Variants in DLGAP2 observed in about 807,000 individuals in gnomAD.
DLGAP2 encodes the protein disks large-associated protein 2.
In DLGAP2, 26 loss-of-function variants were observed where a neutral mutation model predicts 100.3. That is an observed-to-expected ratio of 0.26 (90% CI 0.19 to 0.36). DLGAP2 has a LOEUF of 0.36. Among genes scored for constraint, DLGAP2 ranks in the 10% least tolerant of loss-of-function variants. The probability of loss-of-function intolerance (pLI) is 1.00; values close to 1 mark genes in which losing one functional copy is unlikely to be tolerated. For missense variants in DLGAP2, 1,858 were observed against 1,453.2 expected, an observed-to-expected ratio of 1.28 and a Z score of -4.53; for synonymous variants, 886 against 630.1, an observed-to-expected ratio of 1.41 and a Z score of -6.08.
intron 4 of DLGAP2, among the ~76,000 whole-genome samples, chr8:1,519,098 A>G (rs1028006066): frequency 6.6e-6 from 1 of 152,198 alleles, no homozygotes; most frequent in African/African-American, 2.4e-5. Flanking sequence ...AGGAAGGGAT[A>G]CGAAGGCTTG....
At chr8:1,425,375 C>T (rs1469264144) in intron 3 of DLGAP2, among the ~76,000 whole-genome samples, 1 of 152,174 alleles carries the variant, frequency 6.6e-6, no homozygotes, top group Non-Finnish European at 1.5e-5. Flanking sequence ...CCCGGGAGGC[C>T]AGCCAGGTAC....
At chr8:1,299,587 G>C (rs1800281613) in intron 3 of DLGAP2, among the ~76,000 whole-genome samples, 3 of 152,346 alleles carry the variant, frequency 2.0e-5, no homozygotes, top group African/African-American at 7.2e-5. Flanking sequence ...GTAACTAGCA[G>C]ATTCGTTCCT....
At chr8:802,706 G>C (rs562482431) in intron 1 of DLGAP2, among the ~76,000 whole-genome samples, 1 of 152,232 alleles carries the variant, frequency 6.6e-6, no homozygotes, top group East Asian at 1.9e-4. Context: ...TTTACTAGCA[G>C]AGACAGGTTG....
Position 967,834 on chromosome 8 carries a change from A to T in DLGAP2, c.73+59868A>T, listed in dbSNP as rs1236244838. 3.7e-3 allele frequency among the ~76,000 whole-genome samples: 78 copies of T among 20,996 alleles called. 2 individuals are homozygous for T. Among genetic ancestry groups the T allele is most frequent in the Non-Finnish European group, 5.8e-3 (59 of 10,088 alleles). The allele number at this position is 20,996 out of a possible 152,430, so 13.8% of individuals were successfully genotyped here. On this transcript the variant is annotated intron_variant, in intron 2 of 14. Coordinates refer to ENST00000637795, the MANE Select transcript of DLGAP2 (RefSeq NM_001346810.2). Reference sequence around the variant, plus strand: ...AACACCACTATATATATATATATATATATATATATATATATATATATATAT... The same window carrying T: ...AACACCACTATATATATATATATATTTATATATATATATATATATATATAT...
chr8:835,416 G>C (rs978074557), intron 1 of DLGAP2, among the ~76,000 whole-genome samples: 1 of 151,824 alleles, frequency 6.6e-6, no homozygotes, highest in African/African-American at 2.4e-5. Flanking sequence ...TCGCTCCCAG[G>C]CCAGGCCCTG....
intron 2 of DLGAP2, among the ~76,000 whole-genome samples, chr8:1,163,841 GAGCTCTGCTCAGC>G (rs1038583118): frequency 6.6e-6 from 1 of 152,190 alleles, no homozygotes; most frequent in Non-Finnish European, 1.5e-5. Flanking sequence ...GGAGGCTCAG[GAGCTCTGCTCAGC>G]ACTGCGGCTG....
chr8:1,309,150 A>C (rs1225694649), intron 3 of DLGAP2, among the ~76,000 whole-genome samples: 1 of 152,186 alleles, frequency 6.6e-6, no homozygotes, highest in African/African-American at 2.4e-5. Context: ...AGAGTCTCCG[A>C]AAAGGGAAAA....
At chr8:1,127,479 C>T (rs1257297754) in intron 2 of DLGAP2, among the ~76,000 whole-genome samples, 1 of 152,130 alleles carries the variant, frequency 6.6e-6, no homozygotes, top group Non-Finnish European at 1.5e-5. Flanking sequence ...CCTCGCGTTG[C>T]TTTTCCCCGG....
At chr8:875,100 T>C in intron 1 of DLGAP2, among the ~76,000 whole-genome samples, 1 of 152,230 alleles carries the variant, frequency 6.6e-6, no homozygotes, top group East Asian at 1.9e-4. Flanking sequence ...ATAATATATT[T>C]TTCTATCCTT....
chr8:1,443,469 C>T (rs1004276953), intron 3 of DLGAP2, among the ~76,000 whole-genome samples: 6 of 152,214 alleles, frequency 3.9e-5, no homozygotes, highest in Non-Finnish European at 8.8e-5. Context: ...ATTCTCACAT[C>T]CCTCAGTCTT....
intron 1 of DLGAP2, among the ~76,000 whole-genome samples, chr8:846,674 G>A (rs958688291): frequency 6.6e-6 from 1 of 152,158 alleles, no homozygotes. Flanking sequence ...TGGATCATAT[G>A]GTAGTTGTAT....
chr8:1,245,438 G>A (rs1383092333), intron 2 of DLGAP2, among the ~76,000 whole-genome samples: 1 of 152,222 alleles, frequency 6.6e-6, no homozygotes, highest in Non-Finnish European at 1.5e-5. Flanking sequence ...ACCGATGCAT[G>A]CTGTGACACA....
chr8:1,083,869 A>T (rs531192261), intron 2 of DLGAP2, among the ~76,000 whole-genome samples: 5 of 152,208 alleles, frequency 3.3e-5, no homozygotes, highest in African/African-American at 1.2e-4. Context: ...AAAGTGACTC[A>T]TGTGTCTAAG....
intron 1 of DLGAP2, among the ~76,000 whole-genome samples, chr8:848,415 C>G (rs10088577): frequency 0.3 from 10,343 of 34,334 alleles, 1,545 homozygotes; most frequent in Non-Finnish European, 0.35. Flanking sequence ...CGTGCGGTGC[C>G]TGTTCCAGTG....
chr8:1,449,075 C>A (rs1267250385), intron 3 of DLGAP2, among the ~76,000 whole-genome samples: 2 of 152,176 alleles, frequency 1.3e-5, no homozygotes, highest in African/African-American at 4.8e-5. Context: ...CAGAGCAGCT[C>A]TGGGAATGCC....
chr8:845,875 T>A (rs1293917651), intron 1 of DLGAP2, among the ~76,000 whole-genome samples: 1 of 152,260 alleles, frequency 6.6e-6, no homozygotes, highest in Non-Finnish European at 1.5e-5. Context: ...TCTTTGGCAT[T>A]TGGCTGTCCA....
intron 2 of DLGAP2, among the ~76,000 whole-genome samples, chr8:1,039,765 T>G (rs1802261648): frequency 7.0e-6 from 1 of 142,040 alleles, no homozygotes; most frequent in Non-Finnish European, 1.5e-5. Context: ...GTCGGCTCGG[T>G]GTGTGTGGTT....
intron 3 of DLGAP2, among the ~76,000 whole-genome samples, chr8:1,317,606 T>A (rs1800789519): frequency 7.1e-6 from 1 of 141,750 alleles, no homozygotes; most frequent in Non-Finnish European, 1.5e-5. Context: ...GCTGTGCGAG[T>A]GCAGCGTCTC....
At chr8:1,225,667 A>G (rs527735949) in intron 2 of DLGAP2, among the ~76,000 whole-genome samples, 1 of 152,382 alleles carries the variant, frequency 6.6e-6, no homozygotes, top group East Asian at 1.9e-4. Flanking sequence ...GGTGAAATGA[A>G]CAAATTTCTA....
Sources: gnomAD v4.1 joint callset for allele counts (sites outside exome capture counted in the v4.1 genomes callset) on GRCh38, gnomAD v4.1.1 for gene constraint, MANE v1.5 for transcripts, NCBI Gene and HGNC (gene_info 2026-07-23, HGNC 2026-07-21) for gene names.